PELI1: variants seen among roughly 807,000 people sequenced by gnomAD.
The protein encoded by PELI1 is E3 ubiquitin-protein ligase pellino homolog 1.
Under a neutral mutation model 41.3 loss-of-function variants are expected in PELI1, and 15 were observed. The observed-to-expected ratio is 0.36, with a 90% confidence interval of 0.24 to 0.56. The LOEUF (loss-of-function observed/expected upper bound fraction) is 0.56. Ranked by LOEUF, PELI1 falls within the 20% of genes least tolerant of loss-of-function variation. The probability of loss-of-function intolerance (pLI) is 0.82; values close to 1 mark genes in which losing one functional copy is unlikely to be tolerated. For missense variants in PELI1, 403 were observed against 525.5 expected (o/e 0.77, Z 2.28); for synonymous variants, 178 against 180.1 (o/e 0.99, Z 0.09).
At chr2:64,100,785 G>A (rs1161753374) in intron 3 of PELI1, among the ~76,000 whole-genome samples, 1 of 152,000 alleles carries the variant, frequency 6.6e-6, no homozygotes, top group African/African-American at 2.4e-5. Context: ...GGAGTGCAGT[G>A]GTGCAATCTC....
At position 64,092,805 on chromosome 2, in the gene PELI1, T is replaced by C. The variant is rs1470760043; in HGVS notation, c.*1897A>G. ...TAGAGTTGTTCACAGTTTTCACTTC[T>C]GGTTTCTCATTCTCGATTATGCAAA... is the stretch of plus-strand genomic sequence containing the variant. On this transcript the variant is annotated 3_prime_UTR_variant, in exon 7 of 7. Coordinates refer to ENST00000358912, the MANE Select transcript of PELI1 (RefSeq NM_020651.4). 1 of 152,250 alleles carries C rather than the reference T, an allele frequency of 6.6e-6. No individual in the cohort carries two copies. Among genetic ancestry groups the C allele is most frequent in the Admixed American group, 6.5e-5 (1 of 15,286 alleles). 9.4% of individuals were successfully genotyped at this position (152,250 alleles called of 1,614,324 possible). A position where few individuals can be genotyped will look rare whatever the true frequency, so the allele number is the denominator to read the frequency against.
At chr2:64,138,962 T>C (rs1048406972) in intron 1 of PELI1, among the ~76,000 whole-genome samples, 19 of 152,232 alleles carry the variant, frequency 1.2e-4, no homozygotes. Context: ...TCTTGTTTCA[T>C]CTATGTTCCT....
At chr2:64,103,582 G>A (rs1433606432) in intron 3 of PELI1, among the ~76,000 whole-genome samples, 3 of 151,896 alleles carry the variant, frequency 2.0e-5, no homozygotes, top group Non-Finnish European at 4.4e-5. Context: ...CTCGCCAAAG[G>A]AGCAAAAAGA....
intron 1 of PELI1, among the ~76,000 whole-genome samples, chr2:64,139,151 T>C (rs1466713296): frequency 1.3e-5 from 2 of 152,228 alleles, no homozygotes; most frequent in African/African-American, 2.4e-5. Context: ...AATGTCTTTT[T>C]ACAGTTAGTT....
In PELI1 at chr2:64,094,999, C is replaced by T; in HGVS notation, c.960G>A (p.Trp320Ter). The change falls in exon 7 of 7, where the codon TGG becomes TGA. Residue 320 changes from tryptophan (W) to a stop codon, truncating the protein, a stop_gained. Transcript: ENST00000358912. LOFTEE classifies it high-confidence loss of function. ...NCGHVHGYHN[W>*]GNKEERDGKD... The stretch of plus-strand genomic sequence containing the variant: ...TTCCATCACGTTCTTCTTTGTTTCC[C>T]CAGTTATGATAGCCATGTACATGGC... 1 of 1,614,180 alleles carries T rather than the reference C, an allele frequency of 6.2e-7. No individual in the cohort carries two copies. The highest frequency in any genetic ancestry group is 8.5e-7 in the Non-Finnish European group (1 of 1,180,024).
chr2:64,103,331 G>A (rs138957529), intron 3 of PELI1, among the ~76,000 whole-genome samples: 51 of 152,274 alleles, frequency 3.3e-4, no homozygotes, highest in Admixed American at 9.2e-4. Context: ...AGTATTAGCA[G>A]TCTAAGGGGC....
chr2:64,096,933 A>G (rs892581336), intron 4 of PELI1, among the ~76,000 whole-genome samples: 2 of 152,222 alleles, frequency 1.3e-5, no homozygotes, highest in African/African-American at 4.8e-5. Flanking sequence ...AAATATGTGT[A>G]TCATGTAGTT....
intron 1 of PELI1, among the ~76,000 whole-genome samples, chr2:64,140,813 A>AAAAAAAAAAAAAAAAAAAT (rs1681886253): frequency 6.7e-6 from 1 of 148,672 alleles, no homozygotes; most frequent in Non-Finnish European, 1.5e-5. Context: ...ACAAACAAAA[A>AAAAAAAAAAAAAAAAAAAT]AAAACCTAGG....
chr2:64,110,264 A>AAG (rs958060721), intron 1 of PELI1, among the ~76,000 whole-genome samples: 3 of 151,442 alleles, frequency 2.0e-5, no homozygotes, highest in African/African-American at 4.8e-5. Context: ...AAAAAAAAAA[A>AAG]AAAAGAAAAA....
chr2:64,105,425 C>A (rs563292575), intron 2 of PELI1, among the ~76,000 whole-genome samples: 2 of 152,148 alleles, frequency 1.3e-5, no homozygotes, highest in East Asian at 3.9e-4. Context: ...ACCATTTCTC[C>A]ATAACATGTA....
At chr2:64,141,509 G>A (rs1206670061) in intron 1 of PELI1, among the ~76,000 whole-genome samples, 1 of 151,980 alleles carries the variant, frequency 6.6e-6, no homozygotes, top group Non-Finnish European at 1.5e-5. Context: ...CTAAGTCTTT[G>A]GCTTAAAATC....
At chr2:64,105,556 C>G (rs950795492) in intron 2 of PELI1, among the ~76,000 whole-genome samples, 1 of 152,108 alleles carries the variant, frequency 6.6e-6, no homozygotes, top group African/African-American at 2.4e-5. Flanking sequence ...CTATTGAATG[C>G]TATCCCATAC....
chr2:64,099,873 T>A (rs1417347679), intron 4 of PELI1, among the ~76,000 whole-genome samples: 1 of 152,214 alleles, frequency 6.6e-6, no homozygotes, highest in Non-Finnish European at 1.5e-5. Flanking sequence ...TTTTATTGCA[T>A]GAGTAGCATT....
intron 4 of PELI1, among the ~76,000 whole-genome samples, chr2:64,098,228 CTAT>C (rs1576068908): frequency 6.6e-6 from 1 of 152,180 alleles, no homozygotes; most frequent in East Asian, 1.9e-4. Context: ...TCTTCCCCTG[CTAT>C]TATTAGCATT....
At chr2:64,112,382 T>C (rs1047862394) in intron 1 of PELI1, among the ~76,000 whole-genome samples, 7 of 152,084 alleles carry the variant, frequency 4.6e-5, no homozygotes, top group Admixed American at 6.5e-5. Flanking sequence ...AATTTACAAG[T>C]AACGTGCATA....
intron 1 of PELI1, among the ~76,000 whole-genome samples, chr2:64,127,193 A>G (rs1348199180): frequency 6.6e-6 from 1 of 152,236 alleles, no homozygotes; most frequent in Non-Finnish European, 1.5e-5. Context: ...AACAACAACA[A>G]CAAAATAAAG....
Position 64,092,969 on chromosome 2 carries a change from G to C in PELI1, c.*1733C>G, listed in dbSNP as rs1326673265. ...CTAGAACAAATACAACACAGGACTT[G>C]CTTTCTTGCATTAGTCACAAAGCAT... On this transcript the variant is annotated 3_prime_UTR_variant, in exon 7 of 7. Transcript: ENST00000358912. 1 of 152,464 alleles carries C rather than the reference G, an allele frequency of 6.6e-6. No individual in the cohort carries two copies. The highest frequency in any genetic ancestry group is 1.5e-5 in the Non-Finnish European group (1 of 68,022). The allele number at this position is 152,464 out of a possible 1,614,324, so 9.4% of individuals were successfully genotyped here.
At chr2:64,118,317 A>AGATT (rs1681071940) in intron 1 of PELI1, among the ~76,000 whole-genome samples, 3 of 152,200 alleles carry the variant, frequency 2.0e-5, no homozygotes, top group African/African-American at 4.8e-5. Context: ...CCAAAATTAC[A>AGATT]ACTTTTCTCA....
chr2:64,122,342 T>TAAAA (rs59972052), intron 1 of PELI1, among the ~76,000 whole-genome samples: 5 of 100,550 alleles, frequency 5.0e-5, no homozygotes, highest in African/African-American at 1.5e-4. Context: ...CTCTGAAACT[T>TAAAA]AAAAAAAAAA....
Sources: gnomAD v4.1 joint callset for allele counts (sites outside exome capture counted in the v4.1 genomes callset) on GRCh38, gnomAD v4.1.1 for gene constraint, MANE v1.5 for transcripts, NCBI Gene and HGNC (gene_info 2026-07-23, HGNC 2026-07-21) for gene names.